The following HAPLN1 variants were observed in gnomAD, a reference collection of about 807,000 sequenced individuals.
HAPLN1 encodes the protein Cartilage link protein.
HAPLN1 carries 13 observed loss-of-function variants against 36.5 expected under a neutral mutation model. That is an observed-to-expected ratio of 0.36 (90% CI 0.23 to 0.57). The LOEUF is 0.57. Ranked by LOEUF, HAPLN1 falls within the 20% of genes least tolerant of loss-of-function variation. The pLI is 0.83. For missense variants in HAPLN1, 407 were observed against 439.7 expected, an observed-to-expected ratio of 0.93 and a Z score of 0.66; for synonymous variants, 202 against 169.8, an observed-to-expected ratio of 1.19 and a Z score of -1.48.
intron 3 of HAPLN1, among the ~76,000 whole-genome samples, chr5:83,646,418 A>G (rs1327157013): frequency 6.6e-6 from 1 of 152,230 alleles, no homozygotes; most frequent in Non-Finnish European, 1.5e-5. Context: ...CTAATAGCAT[A>G]ACCAGTACAC....
At chr5:83,688,189 C>T (rs540400872) in intron 1 of HAPLN1, among the ~76,000 whole-genome samples, 3 of 152,276 alleles carry the variant, frequency 2.0e-5, no homozygotes, top group South Asian at 4.1e-4. Context: ...TCTTCTGATA[C>T]TCTCTTGCTT....
At chr5:83,656,046 G>A (rs192525596) in intron 2 of HAPLN1, among the ~76,000 whole-genome samples, 130 of 152,188 alleles carry the variant, frequency 8.5e-4, no homozygotes, top group Non-Finnish European at 1.7e-3. Flanking sequence ...GTTTGATTGG[G>A]GCTGGGTGCA....
intron 1 of HAPLN1, among the ~76,000 whole-genome samples, chr5:83,709,915 A>G (rs1429733135): frequency 6.6e-6 from 1 of 152,156 alleles, no homozygotes; most frequent in Non-Finnish European, 1.5e-5. Context: ...GCTAATGGAG[A>G]GAGATATTTA....
chr5:83,642,468 C>T (rs1749729782), intron 4 of HAPLN1, among the ~76,000 whole-genome samples: 1 of 152,128 alleles, frequency 6.6e-6, no homozygotes, highest in African/African-American at 2.4e-5. Context: ...CTCAATTTCA[C>T]TAGGAAGACA....
In HAPLN1 at chr5:83,701,867, G is replaced by A. The variant is rs534286683; in HGVS notation, c.-27+18922C>T. On this transcript the variant is annotated intron_variant, in intron 1 of 4. Coordinates refer to ENST00000274341, the MANE Select transcript of HAPLN1 (RefSeq NM_001884.4). ...CTTGAACCCGGGAGACGGAGGTTGCGGTGAGCCGAGATCGCTCCACTGCTC... is the reference window on the plus strand; with the variant it reads ...CTTGAACCCGGGAGACGGAGGTTGCAGTGAGCCGAGATCGCTCCACTGCTC... 1.8e-4 allele frequency among the ~76,000 whole-genome samples: 28 copies of A among 151,964 alleles called. 1 individual carries two copies. Among genetic ancestry groups the A allele is most frequent in the Admixed American group, 1.2e-3 (18 of 15,232 alleles).
chr5:83,681,772 G>T (rs1154890), intron 1 of HAPLN1, among the ~76,000 whole-genome samples: 62,339 of 151,728 alleles, frequency 0.41, 13,207 homozygotes, highest in African/African-American at 0.49. Flanking sequence ...ATATTATAAT[G>T]TACAAACAAA....
intron 2 of HAPLN1, among the ~76,000 whole-genome samples, chr5:83,653,833 C>T (rs1478801052): frequency 6.6e-6 from 1 of 152,246 alleles, no homozygotes; most frequent in Non-Finnish European, 1.5e-5. Flanking sequence ...CCCTGGCTAG[C>T]ACATTGTGCT....
chr5:83,700,870 C>G (rs1751493515), intron 1 of HAPLN1, among the ~76,000 whole-genome samples: 1 of 152,046 alleles, frequency 6.6e-6, no homozygotes, highest in Non-Finnish European at 1.5e-5. Context: ...TGATTAATGC[C>G]TTCTATTTTC....
chr5:83,702,909 G>T (rs921801568), intron 1 of HAPLN1, among the ~76,000 whole-genome samples: 9 of 152,092 alleles, frequency 5.9e-5, no homozygotes, highest in Admixed American at 1.3e-4. Context: ...ATGGGGTTTT[G>T]CCATGTTGGC....
At chr5:83,669,792 GC>G (rs1177403185) in intron 2 of HAPLN1, among the ~76,000 whole-genome samples, 6 of 152,274 alleles carry the variant, frequency 3.9e-5, no homozygotes, top group African/African-American at 1.4e-4. Context: ...ACTGTACTAA[GC>G]ACTTTCCACA....
intron 2 of HAPLN1, among the ~76,000 whole-genome samples, chr5:83,672,975 A>G (rs558065654): frequency 6.6e-6 from 1 of 152,354 alleles, no homozygotes; most frequent in East Asian, 1.9e-4. Flanking sequence ...GCAGATTATA[A>G]TAGGGTAAAC....
intron 1 of HAPLN1, among the ~76,000 whole-genome samples, chr5:83,685,347 A>G (rs1197103216): frequency 6.6e-6 from 1 of 152,150 alleles, no homozygotes; most frequent in Non-Finnish European, 1.5e-5. Flanking sequence ...GGATAAATGG[A>G]AGCCTCCAGA....
chr5:83,685,808 G>C (rs1258899095), intron 1 of HAPLN1: 1 of 152,182 alleles, frequency 6.6e-6, no homozygotes, highest in East Asian at 1.9e-4. Context: ...TATTGGAGTT[G>C]ATTGGTGTGA....
In HAPLN1 at chr5:83,644,660, C is replaced by T. The variant is rs756386410; in HGVS notation, c.478G>A (p.Val160Ile). 3 of 1,448,044 alleles carry T rather than the reference C, an allele frequency of 2.1e-6. No homozygotes were observed. The highest frequency in any genetic ancestry group is 2.9e-5 in the African/African-American group (2 of 68,760). 89.7% of individuals were successfully genotyped at this position (1,448,044 alleles called of 1,614,324 possible). Residue 160 changes from valine (V) to isoleucine (I), a missense_variant, in exon 4 of 5, where the codon GTA (valine) becomes ATA (isoleucine). Physicochemically the swap from Val to Ile is conservative, Grantham distance 29 (BLOSUM62 3). Coordinates refer to ENST00000274341, the MANE Select transcript of HAPLN1 (RefSeq NM_001884.4). ...CCCAGTCGTGGAAAGTAAGGGAATACCACACCTGTCCAAAGGAGAAAGCAA... is the reference window on the plus strand; with the variant it reads ...CCCAGTCGTGGAAAGTAAGGGAATATCACACCTGTCCAAAGGAGAAAGCAA... ...VVVALDLQGV[V>I]FPYFPRLGRY...
intron 1 of HAPLN1, among the ~76,000 whole-genome samples, chr5:83,701,683 A>G (rs182502892): frequency 3.1e-3 from 475 of 152,352 alleles, no homozygotes; most frequent in Admixed American, 6.4e-3. Context: ...CACGCCAGTA[A>G]TCCCAGCACT....
At chr5:83,686,142 C>CAAAAAAAAAA (rs535353958) in intron 1 of HAPLN1, 6 of 81,644 alleles carry the variant, frequency 7.3e-5, no homozygotes, top group African/African-American at 1.8e-4. Flanking sequence ...AAAATGTAGC[C>CAAAAAAAAAA]AAAAAAAAAA....
At chr5:83,669,666 T>A (rs562283321) in intron 2 of HAPLN1, among the ~76,000 whole-genome samples, 1 of 152,214 alleles carries the variant, frequency 6.6e-6, no homozygotes, top group Admixed American at 6.5e-5. Context: ...TGAATTTTTT[T>A]GACCAGTATT....
chr5:83,664,201 A>G (rs1264492814), intron 2 of HAPLN1, among the ~76,000 whole-genome samples: 3 of 151,716 alleles, frequency 2.0e-5, no homozygotes, highest in Non-Finnish European at 4.4e-5. Flanking sequence ...TGCATTTTCT[A>G]CTTTTTCTCC....
intron 2 of HAPLN1, among the ~76,000 whole-genome samples, chr5:83,661,722 C>T (rs940260737): frequency 3.3e-5 from 5 of 152,060 alleles, no homozygotes; most frequent in Admixed American, 2.0e-4. Context: ...GGATTACAGG[C>T]GTGAGCAACG....
Sources: gnomAD v4.1 joint callset for allele counts (sites outside exome capture counted in the v4.1 genomes callset) on GRCh38, gnomAD v4.1.1 for gene constraint, MANE v1.5 for transcripts, NCBI Gene and HGNC (gene_info 2026-07-23, HGNC 2026-07-21) for gene names.